USP10: variants seen among roughly 807,000 people sequenced by gnomAD.
The protein encoded by USP10 is ubiquitin carboxyl-terminal hydrolase 10.
A neutral mutation model predicts 84.5 loss-of-function variants in USP10; 22 were observed. The observed-to-expected ratio is 0.26, with a 90% CI of 0.19 to 0.37. The LOEUF (loss-of-function observed/expected upper bound fraction) is 0.37, where lower values mean the gene tolerates loss of function less well. USP10 is among the 10% of genes least tolerant of loss of function. USP10 has a pLI of 1.00. For synonymous variants in USP10, 454 were observed against 387.6 expected (o/e 1.17, Z -2.01); for missense variants, 1,019 against 998.9 (o/e 1.02, Z -0.27).
chr16:84,732,815 G>C (rs553761022), intron 1 of USP10, among the ~76,000 whole-genome samples: 1 of 152,180 alleles, frequency 6.6e-6, no homozygotes, highest in Non-Finnish European at 1.5e-5. Context: ...ACTCACATCC[G>C]TGCAGTTTAA....
At chr16:84,732,026 C>G (rs1909301729) in intron 1 of USP10, among the ~76,000 whole-genome samples, 1 of 152,216 alleles carries the variant, frequency 6.6e-6, no homozygotes, top group East Asian at 1.9e-4. Context: ...TCTTTGTTGA[C>G]TTTTGCAAGT....
chr16:84,760,427 C>T (rs750982813), intron 8 of USP10, among the ~76,000 whole-genome samples, 152 bp downstream of exon 8: 1 of 152,164 alleles, frequency 6.6e-6, no homozygotes. Flanking sequence ...TGATATGGTG[C>T]ACCAAGCACT....
chr16:84,700,959 A>T (rs1904793173), intron 1 of USP10, among the ~76,000 whole-genome samples: 1 of 151,856 alleles, frequency 6.6e-6, no homozygotes, highest in South Asian at 2.1e-4. Context: ...AATCGGCATG[A>T]TGTATTATTT....
At chr16:84,766,469 G>A (rs183241254) in intron 10 of USP10, among the ~76,000 whole-genome samples, 1 of 152,324 alleles carries the variant, frequency 6.6e-6, no homozygotes, top group Non-Finnish European at 1.5e-5. Flanking sequence ...GCGAGGGAAG[G>A]CTGTGCCCTT....
chr16:84,775,098 C>G (rs900753683), intron 12 of USP10, 62 bp from the exon 13 acceptor site: 6 of 1,449,940 alleles, frequency 4.1e-6, no homozygotes, highest in Middle Eastern at 1.9e-4. Context: ...TAGCCATTTT[C>G]TGCTGCTGTT....
chr16:84,760,723 AT>A (rs906228832), intron 8 of USP10, among the ~76,000 whole-genome samples: 9 of 151,526 alleles, frequency 5.9e-5, no homozygotes, highest in African/African-American at 9.7e-5. Flanking sequence ...CCTTTACCTA[AT>A]TTTTTTTTAA....
intron 4 of USP10, among the ~76,000 whole-genome samples, chr16:84,747,759 G>A (rs55719773): frequency 0.03 from 4,613 of 151,666 alleles, 211 homozygotes; most frequent in African/African-American, 0.11. Flanking sequence ...TAGAAATGGG[G>A]TTTCACCATG....
chr16:84,750,832 C>T (rs1246299058), intron 4 of USP10, among the ~76,000 whole-genome samples: 3 of 152,200 alleles, frequency 2.0e-5, no homozygotes, highest in Non-Finnish European at 4.4e-5. Context: ...AGCTCTTGAA[C>T]AGCTCTGAAA....
chr16:84,715,290 G>A (rs1906867080), intron 1 of USP10, among the ~76,000 whole-genome samples: 1 of 152,158 alleles, frequency 6.6e-6, no homozygotes, highest in East Asian at 1.9e-4. Context: ...TTCAGCTATT[G>A]CTGTAGATAT....
At chr16:84,771,034 A>T (rs915058007) in intron 11 of USP10, among the ~76,000 whole-genome samples, 20 of 148,976 alleles carry the variant, frequency 1.3e-4, no homozygotes, top group Non-Finnish European at 2.4e-4. Context: ...TCCAGCCTCG[A>T]TGACAGAGCG....
At chr16:84,726,266 G>C (rs1386329390) in intron 1 of USP10, among the ~76,000 whole-genome samples, 2 of 152,240 alleles carry the variant, frequency 1.3e-5, no homozygotes, top group East Asian at 3.8e-4. Flanking sequence ...GCCGAAAGTG[G>C]CGTTTCCCGC....
At chr16:84,763,144 T>C (rs1410593812) in intron 9 of USP10, 56 bp downstream of exon 9, 4 of 1,116,866 alleles carry the variant, frequency 3.6e-6, no homozygotes, top group African/African-American at 1.5e-5. Context: ...TAAACAGGTG[T>C]TGCATACTCA....
At chr16:84,706,128 C>G (rs114523718) in intron 1 of USP10, among the ~76,000 whole-genome samples, 1 of 152,296 alleles carries the variant, frequency 6.6e-6, no homozygotes, top group Admixed American at 6.5e-5. Context: ...GGGATCCCTT[C>G]TGCTTCAGCT....
chr16:84,750,392 G>A (rs1284323245), intron 4 of USP10, among the ~76,000 whole-genome samples: 2 of 143,550 alleles, frequency 1.4e-5, no homozygotes, highest in Non-Finnish European at 1.5e-5. Flanking sequence ...GGGCCACAGA[G>A]TGAGACTGTC....
intron 11 of USP10, among the ~76,000 whole-genome samples, chr16:84,771,839 G>A (rs1219125986): frequency 1.3e-5 from 2 of 152,178 alleles, no homozygotes; most frequent in Non-Finnish European, 2.9e-5. Flanking sequence ...CTGTACTCCA[G>A]CCTGGGCGAC....
At chr16:84,747,116 AC>A (rs1210976152) in intron 4 of USP10, among the ~76,000 whole-genome samples, 2 of 152,316 alleles carry the variant, frequency 1.3e-5, no homozygotes, top group African/African-American at 4.8e-5. Flanking sequence ...CCGAAATGTT[AC>A]GCCGCGCGTG....
intron 13 of USP10, among the ~76,000 whole-genome samples, chr16:84,778,658 C>T (rs1203681123): frequency 6.6e-6 from 1 of 152,178 alleles, no homozygotes; most frequent in Non-Finnish European, 1.5e-5. Flanking sequence ...CGTACATGCA[C>T]ACATGTACCT....
At chr16:84,756,683 A>T (rs1250084120) in intron 4 of USP10, among the ~76,000 whole-genome samples, 1 of 152,226 alleles carries the variant, frequency 6.6e-6, no homozygotes, top group Non-Finnish European at 1.5e-5. Flanking sequence ...TAAAAATACT[A>T]TGGCAAAGCC....
chr16:84,719,791 T>G (rs925157370), intron 1 of USP10, among the ~76,000 whole-genome samples: 26 of 152,240 alleles, frequency 1.7e-4, no homozygotes, highest in African/African-American at 5.8e-4. Flanking sequence ...TGCAAATTAT[T>G]AGGATTTTTG....
Sources: allele counts gnomAD v4.1 joint callset (sites outside exome capture counted in the v4.1 genomes callset), GRCh38; gene constraint gnomAD v4.1.1; transcripts MANE v1.5; gene names NCBI Gene and HGNC (gene_info 2026-07-23, HGNC 2026-07-21).